The following ZFYVE28 variants were observed in gnomAD, a reference collection of about 807,000 sequenced individuals.
ZFYVE28 encodes the protein lateral signaling target protein 2 homolog.
A neutral mutation model predicts 82.1 loss-of-function variants in ZFYVE28; 40 were observed. That is an observed-to-expected ratio of 0.49 (90% CI 0.38 to 0.63). The LOEUF (loss-of-function observed/expected upper bound fraction) is 0.63. Ranked by LOEUF, ZFYVE28 falls within the 30% of genes least tolerant of loss-of-function variation. The pLI, the probability that ZFYVE28 is intolerant of heterozygous loss-of-function variation, is 0.00. For synonymous variants in ZFYVE28, 612 were observed against 546.1 expected (o/e 1.12, Z -1.68); for missense variants, 1,321 against 1,242.1 (o/e 1.06, Z -0.96).
chr4:2,334,927 AT>A (rs1267570347), intron 6 of ZFYVE28, among the ~76,000 whole-genome samples: 1 of 139,104 alleles, frequency 7.2e-6, no homozygotes, highest in Non-Finnish European at 1.6e-5. Context: ...CCCCGTGACC[AT>A]CCGCCTGGCA....
At chr4:2,283,813 G>A (rs1156285705) in intron 8 of ZFYVE28, among the ~76,000 whole-genome samples, 2 of 152,240 alleles carry the variant, frequency 1.3e-5, no homozygotes, top group Non-Finnish European at 2.9e-5. Flanking sequence ...GAGGTCTGGA[G>A]TGCCAGGGAG....
chr4:2,336,570 C>CA (rs1721732082), intron 5 of ZFYVE28, among the ~76,000 whole-genome samples: 2 of 149,566 alleles, frequency 1.3e-5, no homozygotes, highest in African/African-American at 4.9e-5. Flanking sequence ...CTGCCCCCCC[C>CA]ACTCCCTAAA....
At chr4:2,328,067 C>T (rs1381238703) in intron 6 of ZFYVE28, among the ~76,000 whole-genome samples, 6 of 152,148 alleles carry the variant, frequency 3.9e-5, no homozygotes, top group Admixed American at 2.6e-4. Context: ...GTATTTACCC[C>T]AAACATCTGA....
At chr4:2,363,658 A>G (rs1269498274) in intron 1 of ZFYVE28, among the ~76,000 whole-genome samples, 2 of 152,172 alleles carry the variant, frequency 1.3e-5, no homozygotes, top group Non-Finnish European at 2.9e-5. Flanking sequence ...CTTGTATGTG[A>G]GCATGTAGGT....
chr4:2,367,341 AGGGTGCCCCCG>A, intron 1 of ZFYVE28, among the ~76,000 whole-genome samples: 1 of 151,524 alleles, frequency 6.6e-6, no homozygotes, highest in East Asian at 1.9e-4. Flanking sequence ...CTGTGCTAGC[AGGGTGCCCCCG>A]GGGTGTCCCC....
intron 1 of ZFYVE28, among the ~76,000 whole-genome samples, chr4:2,410,454 C>CTTTTTT (rs11358765): frequency 4.2e-5 from 5 of 119,328 alleles, no homozygotes; most frequent in Non-Finnish European, 6.9e-5. Context: ...TCCTCCCTTT[C>CTTTTTT]TTTTTTTTTT....
At chr4:2,348,151 A>G (rs1361054572) in intron 2 of ZFYVE28, among the ~76,000 whole-genome samples, 1 of 152,208 alleles carries the variant, frequency 6.6e-6, no homozygotes, top group African/African-American at 2.4e-5. Flanking sequence ...TCCTACATAT[A>G]TTAAAAGGAT....
At chr4:2,281,030 T>C (rs1292905527) in intron 8 of ZFYVE28, among the ~76,000 whole-genome samples, 2 of 152,204 alleles carry the variant, frequency 1.3e-5, no homozygotes, top group African/African-American at 2.4e-5. Context: ...GTCAGATCGC[T>C]GATGGCCATC....
At chr4:2,343,607 A>T (rs1723115876) in intron 2 of ZFYVE28, 1 of 152,288 alleles carries the variant, frequency 6.6e-6, no homozygotes, top group Non-Finnish European at 1.5e-5. Context: ...AATGGCAATC[A>T]CAGCAACAGG....
At chr4:2,364,764 C>T (rs1018355200) in intron 1 of ZFYVE28, 2 of 985,432 alleles carry the variant, frequency 2.0e-6, no homozygotes, top group Non-Finnish European at 1.2e-6. Flanking sequence ...TTCCCGCCGC[C>T]GCGCCCTCGT....
Position 2,308,675 on chromosome 4 carries a change from A to AAGAAAGAAAGAG in ZFYVE28, c.804-3140_804-3139insCTCTTTCTTTCT, listed in dbSNP as rs1200372952. Reference sequence around the variant, plus strand: ...AAAGAAAGAAAGAAAGAAAGAAAGAAAGAGAAAGAAAGAAAAGAAAAGAAA... The same window carrying AAGAAAGAAAGAG: ...AAAGAAAGAAAGAAAGAAAGAAAGAAAGAAAGAAAGAGAGAGAAAGAAAGAAAAGAAAAGAAA... On this transcript the variant is annotated intron_variant, in intron 7 of 12. Transcript: ENST00000290974. Among the ~76,000 whole-genome samples, 354 of 93,198 alleles carry AAGAAAGAAAGAG rather than the reference A, an allele frequency of 3.8e-3. 4 individuals are homozygous for AAGAAAGAAAGAG. The highest frequency in any genetic ancestry group is 0.014 in the African/African-American group (330 of 23,822). 61.1% of individuals were successfully genotyped at this position (93,198 alleles called of 152,430 possible).
At chr4:2,368,404 C>T (rs192100645) in intron 1 of ZFYVE28, among the ~76,000 whole-genome samples, 2 of 112,172 alleles carry the variant, frequency 1.8e-5, no homozygotes, top group Admixed American at 1.0e-4. Flanking sequence ...CCTGCCTCTA[C>T]AGTATGCGAT....
intron 7 of ZFYVE28, among the ~76,000 whole-genome samples, chr4:2,314,473 CTT>C (rs1228257258): frequency 6.6e-6 from 1 of 152,132 alleles, no homozygotes; most frequent in African/African-American, 2.4e-5. Flanking sequence ...TGTATCTTCT[CTT>C]TCTCTGCTCT....
chr4:2,305,289 T>A lies in ZFYVE28; in HGVS notation c.1051A>T (p.Arg351Trp). 6.2e-7 allele frequency: 1 copy of A among 1,613,158 alleles called. No individual in the cohort carries two copies. The highest frequency in any genetic ancestry group is 8.5e-7 in the Non-Finnish European group (1 of 1,180,016). ...AAAGAGGACATCTCGTCCCCCGCCCTGTGGACCATGCGGCTGAGCTGCTCC... is the reference window on the plus strand; with the variant it reads ...AAAGAGGACATCTCGTCCCCCGCCCAGTGGACCATGCGGCTGAGCTGCTCC... ...ELEQLSRMVH[R>W]AGDEMSSLLS... The change falls in exon 8 of 13, where the codon AGG becomes TGG. Residue 351 changes from arginine (R) to tryptophan (W), a missense_variant. Around this residue, in one of 2 missense-constraint regions of ZFYVE28, gnomAD observed 978 missense variants for 833.7 expected, o/e 1.17. Coordinates refer to ENST00000290974, the MANE Select transcript of ZFYVE28 (RefSeq NM_020972.3).
chr4:2,330,333 G>T, intron 6 of ZFYVE28: 2 of 990,794 alleles, frequency 2.0e-6, no homozygotes, highest in Non-Finnish European at 2.4e-6. Flanking sequence ...GTGGGAGAGG[G>T]CTTGGGTGAG....
rs1010729869 is a variant in ZFYVE28, at chr4:2,335,634, G to T, written c.701+71C>A. On this transcript the variant is annotated intron_variant, in intron 6 of 12. Coordinates refer to ENST00000290974, the MANE Select transcript of ZFYVE28 (RefSeq NM_020972.3). The surrounding 1 kb of genome is among the most constrained non-coding windows in gnomAD (Gnocchi z 5.8). ...AGACGCCATGGACCGGCACCCGCAC[G>T]GGACCTGGCACCATCAGCCCTGCCC... is the stretch of plus-strand genomic sequence containing the variant. 3 of 1,447,996 alleles carry T rather than the reference G, an allele frequency of 2.1e-6. No individual in the cohort carries two copies. In the Admixed American group the frequency reaches 5.9e-5, roughly 29 times the overall value. 89.7% of individuals were successfully genotyped at this position (1,447,996 alleles called of 1,614,324 possible). A position where few individuals can be genotyped will look rare whatever the true frequency, so the allele number is the denominator to read the frequency against.
Position 2,292,213 on chromosome 4 carries a change from C to T in ZFYVE28, c.2051+12076G>A, listed in dbSNP as rs1485412364. Among the ~76,000 whole-genome samples, 4 of 152,284 alleles carry T rather than the reference C, an allele frequency of 2.6e-5. No individual in the cohort carries two copies. The East Asian group carries it at 5.8e-4, about 22-fold the overall frequency. ...TGGAAGGGATGGCCCAGCCATGAAGCGAACAGGAATGCCACAGACATGGAG... is the reference window on the plus strand; with the variant it reads ...TGGAAGGGATGGCCCAGCCATGAAGTGAACAGGAATGCCACAGACATGGAG... On this transcript the variant is annotated intron_variant, in intron 8 of 12. Coordinates refer to ENST00000290974, the MANE Select transcript of ZFYVE28 (RefSeq NM_020972.3).
intron 1 of ZFYVE28, among the ~76,000 whole-genome samples, chr4:2,392,162 A>G (rs1231191228): frequency 6.6e-6 from 1 of 151,968 alleles, no homozygotes; most frequent in African/African-American, 2.4e-5. Flanking sequence ...CCAAAAAAAA[A>G]AAAAGGGTGG....
chr4:2,354,104 G>C (rs766632307), intron 1 of ZFYVE28, 31 bp from the exon 2 acceptor site: 1 of 1,482,506 alleles, frequency 6.7e-7, no homozygotes, highest in Admixed American at 2.2e-5. Context: ...GGCCATGAGT[G>C]GGTGGGGAAC....
Sources: gnomAD v4.1 joint callset for allele counts (sites outside exome capture counted in the v4.1 genomes callset) on GRCh38, gnomAD v4.1.1 for gene constraint, gnomAD v4.1.1 regional missense constraint, Gnocchi (gnomAD v3.1) non-coding constraint, MANE v1.5 for transcripts, NCBI Gene and HGNC (gene_info 2026-07-23, HGNC 2026-07-21) for gene names.